Variants in LY6S observed in about 807,000 individuals in gnomAD.
LY6S encodes the protein lymphocyte antigen 6S.
At chr8:143,050,512 G>C in the LY6S span, among the ~76,000 whole-genome samples, 2 of 152,008 alleles carry the variant, frequency 1.3e-5, no homozygotes, top group African/African-American at 2.4e-5. Flanking sequence ...CACCTTCGAG[G>C]TCCTCACTCC....
the LY6S span, among the ~76,000 whole-genome samples, chr8:143,052,824 G>A: frequency 6.6e-6 from 1 of 152,126 alleles, no homozygotes; most frequent in Admixed American, 6.5e-5. Flanking sequence ...GTCATCTATC[G>A]CGTTCATGAG....
At chr8:143,060,835 T>C in the LY6S span, among the ~76,000 whole-genome samples, 1 of 152,038 alleles carries the variant, frequency 6.6e-6, no homozygotes, top group East Asian at 1.9e-4. Flanking sequence ...CAACTTAAGA[T>C]GGACTATAGT....
At chr8:143,071,549 G>C in the LY6S span, among the ~76,000 whole-genome samples, 2 of 152,190 alleles carry the variant, frequency 1.3e-5, no homozygotes, top group African/African-American at 4.8e-5. Context: ...GGAGAAATGT[G>C]AGACAGGGCA....
At chr8:143,052,843 C>T in the LY6S span, among the ~76,000 whole-genome samples, 11 of 152,172 alleles carry the variant, frequency 7.2e-5, no homozygotes, top group South Asian at 2.1e-4. Context: ...AGAATACAAA[C>T]GGTCCCCAAA....
chr8:143,048,731 AAGTGTT>A, the LY6S span, among the ~76,000 whole-genome samples: 1 of 151,970 alleles, frequency 6.6e-6, no homozygotes, highest in African/African-American at 2.4e-5. Context: ...TGGCCTCCCT[AAGTGTT>A]GGGATTACAG....
the LY6S span, among the ~76,000 whole-genome samples, chr8:143,072,337 G>A: frequency 2.3e-5 from 3 of 132,954 alleles, no homozygotes; most frequent in Non-Finnish European, 3.2e-5. Flanking sequence ...GAAGACAGCC[G>A]TCGTCCTCGG....
the LY6S span, among the ~76,000 whole-genome samples, chr8:143,058,568 T>C: frequency 6.6e-6 from 1 of 152,220 alleles, no homozygotes; most frequent in African/African-American, 2.4e-5. Flanking sequence ...GAAAGCGGAC[T>C]AGGAGCGTGA....
the LY6S span, among the ~76,000 whole-genome samples, chr8:143,052,052 C>T: frequency 8.2e-3 from 1,245 of 151,738 alleles, 14 homozygotes; most frequent in African/African-American, 0.028. Flanking sequence ...GAAGCTGAGG[C>T]GGGCAGATCA....
the LY6S span, among the ~76,000 whole-genome samples, chr8:143,065,361 T>C: frequency 6.6e-6 from 1 of 152,162 alleles, no homozygotes; most frequent in Non-Finnish European, 1.5e-5. Flanking sequence ...CCTCACACCA[T>C]GAGCTCATTT....
the LY6S span, among the ~76,000 whole-genome samples, chr8:143,070,490 T>TATATA: frequency 2.3e-5 from 2 of 86,716 alleles, no homozygotes; most frequent in Non-Finnish European, 3.9e-5. Flanking sequence ...TATATATATA[T>TATATA]TTTTTTTTTT....
the LY6S span, among the ~76,000 whole-genome samples, chr8:143,069,237 A>C: frequency 6.6e-6 from 1 of 152,230 alleles, no homozygotes; most frequent in Non-Finnish European, 1.5e-5. Flanking sequence ...TTCCGCAGTG[A>C]GGGCTTAGTC....
chr8:143,062,309 C>G, the LY6S span, among the ~76,000 whole-genome samples: 1 of 152,038 alleles, frequency 6.6e-6, no homozygotes, highest in Non-Finnish European at 1.5e-5. Context: ...TCATCAAAAC[C>G]AATAGAATGT....
chr8:143,049,565 TA>T, the LY6S span, among the ~76,000 whole-genome samples: 2 of 152,156 alleles, frequency 1.3e-5, no homozygotes, highest in African/African-American at 4.8e-5. Flanking sequence ...GACCCTCTTT[TA>T]TTAAAGGGAA....
the LY6S span, among the ~76,000 whole-genome samples, chr8:143,075,307 G>A: frequency 6.6e-6 from 1 of 152,102 alleles, no homozygotes; most frequent in Admixed American, 6.6e-5. The surrounding 1 kb of genome is among the most constrained non-coding windows in gnomAD (Gnocchi z 4.1). Flanking sequence ...CTAACTTCAG[G>A]CTTCCCACCA....
chr8:143,065,783 T>TTCTCTTTTTC, the LY6S span: 3 of 115,264 alleles, frequency 2.6e-5, no homozygotes, highest in East Asian at 8.1e-4. Flanking sequence ...CTTTCTTTCT[T>TTCTCTTTTTC]TTTCTTTCTT....
At chr8:143,047,243 G>T in the LY6S span, among the ~76,000 whole-genome samples, 96 of 151,206 alleles carry the variant, frequency 6.3e-4, no homozygotes, top group African/African-American at 2.2e-3. Flanking sequence ...GGGTTCAAGT[G>T]ATTCTCCTGC....
the LY6S span, chr8:143,043,350 C>A: frequency 2.2e-6 from 2 of 906,504 alleles, no homozygotes; most frequent in African/African-American, 1.7e-5. Context: ...TGCGAGAGAG[C>A]GGGGTGGGGG....
the LY6S span, among the ~76,000 whole-genome samples, chr8:143,064,662 T>G: frequency 6.6e-6 from 1 of 152,198 alleles, no homozygotes; most frequent in African/African-American, 2.4e-5. Flanking sequence ...GCTTTCTGTG[T>G]CTGTGGGTAT....
chr8:143,057,250 A>ATT, the LY6S span: 9 of 183,364 alleles, frequency 4.9e-5, no homozygotes, highest in African/African-American at 1.4e-4. Context: ...TATTATTATT[A>ATT]TTTTTATTTT....
Sources: gnomAD v4.1 joint callset for allele counts (sites outside exome capture counted in the v4.1 genomes callset) on GRCh38, gnomAD v4.1.1 for gene constraint, Gnocchi (gnomAD v3.1) non-coding constraint, MANE v1.5 for transcripts, NCBI Gene and HGNC (gene_info 2026-07-23, HGNC 2026-07-21) for gene names.